The following SOX12 variants were observed in gnomAD, a reference collection of about 807,000 sequenced individuals.
SOX12 encodes the protein SRY-box transcription factor 12.
Under a neutral mutation model 21.5 loss-of-function variants are expected in SOX12, and 8 were observed. The ratio of observed to expected loss-of-function variants is 0.37; its 90% confidence interval spans 0.22 to 0.67. SOX12 has a LOEUF of 0.67. Ranked by LOEUF, SOX12 falls within the 30% of genes least tolerant of loss-of-function variation. The pLI is 0.56. For missense variants in SOX12, 400 were observed against 482.6 expected (o/e 0.83, Z 1.60); for synonymous variants, 235 against 224.2 (o/e 1.05, Z -0.43).
chr20:325,988 C>T lies in SOX12; in HGVS notation c.64C>T (p.Pro22Ser). The T allele has an allele frequency of 6.8e-7, 1 of 1,462,104 alleles. No homozygotes were observed. The highest frequency in any genetic ancestry group is 9.1e-7 in the Non-Finnish European group (1 of 1,101,796). The allele number at this position is 1,462,104 out of a possible 1,614,324, so 90.6% of individuals were successfully genotyped here. Reference protein sequence around the residue: ...DGGPPPPGPGPAEEGAREPGW... With the variant: ...DGGPPPPGPGSAEEGAREPGW... ...CGGGCCGCCGCCCCCGGGACCCGGG[C>T]CGGCCGAGGAGGGGGCGCGCGAGCC... is the stretch of plus-strand genomic sequence containing the variant. The change falls in exon 1 of 1, where the codon CCG (proline) becomes TCG (serine). Residue 22 changes from proline (P) to serine (S), a missense_variant. Pro to Ser is a moderately conservative substitution (Grantham distance 74). Around this residue, in one of 4 missense-constraint regions of SOX12, gnomAD observed 56 missense variants for 51.5 expected, o/e 1.09. Transcript: ENST00000342665. The surrounding 1 kb of genome is among the most constrained non-coding windows in gnomAD (Gnocchi z 5.0).
chr20:328,592 G>T lies in SOX12; in HGVS notation c.*1720G>T. 1 of 162,018 alleles carries T rather than the reference G, an allele frequency of 6.2e-6. No homozygotes were observed. The allele number at this position is 162,018 out of a possible 1,614,324, so 10.0% of individuals were successfully genotyped here. ...ATGAAAAAAAAAACGTCATGTGAGT[G>T]AAGAGATGTCACTGTCTGTGGTCTT... On this transcript the variant is annotated 3_prime_UTR_variant, in exon 1 of 1. Coordinates refer to ENST00000342665, the MANE Select transcript of SOX12 (RefSeq NM_006943.4).
Position 326,461 on chromosome 20 carries a change from C to T in SOX12, c.537C>T (p.Val179=), listed in dbSNP as rs1293308091. ...AGGAGCTGCTGGAAGTGCGCCTGGT[C>T]GAGACCCCGGGGCGGGAGCTGTGGA... The part of the protein sequence containing the change: ...DDEELLEVRL[V]ETPGRELWRM... Residue 179 remains valine (V), a synonymous_variant, in exon 1 of 1, where the codon GTC becomes GTT. Transcript: ENST00000342665. This position sits in a 1 kb window ranked among gnomAD's most constrained non-coding sequence, Gnocchi z 9.9. 3 of 1,388,814 alleles carry T rather than the reference C, an allele frequency of 2.2e-6. No homozygotes were observed. Among genetic ancestry groups the T allele is most frequent in the African/African-American group, 1.5e-5 (1 of 65,186 alleles). The allele number at this position is 1,388,814 out of a possible 1,614,324, so 86.0% of individuals were successfully genotyped here. A position where few individuals can be genotyped will look rare whatever the true frequency, so the allele number is the denominator to read the frequency against.
Position 326,548 on chromosome 20 carries a change from C to T in SOX12, c.624C>T (p.Gly208=). 6 of 1,510,656 alleles carry T rather than the reference C, an allele frequency of 4.0e-6. No homozygotes were observed. Among genetic ancestry groups the T allele is most frequent in the South Asian group, 1.3e-5 (1 of 79,990 alleles). The allele number at this position is 1,510,656 out of a possible 1,614,324, so 93.6% of individuals were successfully genotyped here. A position where few individuals can be genotyped will look rare whatever the true frequency, so the allele number is the denominator to read the frequency against. The change falls in exon 1 of 1, where the codon GGC becomes GGT. Residue 208 remains glycine, a synonymous_variant. Coordinates refer to ENST00000342665, the MANE Select transcript of SOX12 (RefSeq NM_006943.4). This position sits in a 1 kb window ranked among gnomAD's most constrained non-coding sequence, Gnocchi z 9.9. ...CGGAGCGCGCCCAAGGGCCGTCGGGCGAGGGGGCGGCCGCCGCCGCCGCCG... is the reference window on the plus strand; with the variant it reads ...CGGAGCGCGCCCAAGGGCCGTCGGGTGAGGGGGCGGCCGCCGCCGCCGCCG... ...GQAERAQGPS[G]EGAAAAAAAS... is the part of the protein sequence containing the mutation.
chr20:326,392 G>T lies in SOX12; in HGVS notation c.468G>T (p.Gly156=). The part of the protein sequence containing the change: ...GGRRAAGGPL[G]GGAAAPEDDD... ...GCCGAGCAGCGGGAGGGCCTTTGGG[G>T]GGCGGGGCGGCGGCGCCCGAGGACG... is the stretch of plus-strand genomic sequence containing the variant. Residue 156 remains glycine, a synonymous_variant, in exon 1 of 1, where the codon GGG becomes GGT. Coordinates refer to ENST00000342665, the MANE Select transcript of SOX12 (RefSeq NM_006943.4). This position sits in a 1 kb window ranked among gnomAD's most constrained non-coding sequence, Gnocchi z 9.9. 1 of 1,335,582 alleles carries T rather than the reference G, an allele frequency of 7.5e-7. No homozygotes were observed. Among genetic ancestry groups the T allele is most frequent in the Non-Finnish European group, 9.5e-7 (1 of 1,048,106 alleles). The allele number at this position is 1,335,582 out of a possible 1,614,324, so 82.7% of individuals were successfully genotyped here.
In SOX12 at chr20:326,458, G is replaced by A; in HGVS notation, c.534G>A (p.Leu178=). ...DDDEELLEVR[L]VETPGRELWR... ...ACGAGGAGCTGCTGGAAGTGCGCCT[G>A]GTCGAGACCCCGGGGCGGGAGCTGT... Residue 178 remains leucine, a synonymous_variant, in exon 1 of 1, where the codon CTG becomes CTA. Transcript: ENST00000342665. This position sits in a 1 kb window ranked among gnomAD's most constrained non-coding sequence, Gnocchi z 9.9. 3.6e-6 allele frequency: 5 copies of A among 1,387,302 alleles called. No homozygotes were observed. The South Asian group carries it at 4.9e-5, about 14-fold the overall frequency. 85.9% of individuals were successfully genotyped at this position (1,387,302 alleles called of 1,614,324 possible). A position where few individuals can be genotyped will look rare whatever the true frequency, so the allele number is the denominator to read the frequency against.
In SOX12 at chr20:328,439, C is replaced by A. The variant is rs1223751204; in HGVS notation, c.*1567C>A. Reference sequence around the variant, plus strand: ...AGGGTCTCTGCAGGTCTCTGCCCCACGCGTTCCCGTCGCTGACAAAGCCAC... The same window carrying A: ...AGGGTCTCTGCAGGTCTCTGCCCCAAGCGTTCCCGTCGCTGACAAAGCCAC... On this transcript the variant is annotated 3_prime_UTR_variant, in exon 1 of 1. Transcript: ENST00000342665. 6.0e-6 allele frequency: 1 copy of A among 167,014 alleles called. No homozygotes were observed. Among genetic ancestry groups the A allele is most frequent in the South Asian group, 2.1e-4 (1 of 4,832 alleles). 10.3% of individuals were successfully genotyped at this position (167,014 alleles called of 1,614,324 possible).
At position 327,099 on chromosome 20, in the gene SOX12, T is replaced by G; in HGVS notation, c.*227T>G. 3.9e-6 allele frequency: 2 copies of G among 515,404 alleles called. No homozygotes were observed. Among genetic ancestry groups the G allele is most frequent in the Non-Finnish European group, 3.5e-6 (1 of 285,030 alleles). 31.9% of individuals were successfully genotyped at this position (515,404 alleles called of 1,614,324 possible). On this transcript the variant is annotated 3_prime_UTR_variant, in exon 1 of 1. Transcript: ENST00000342665. ...CCCGACACCCAAGCCCCTCCCCACG[T>G]CGCCCCCTCCTGCACAGCCACCAGC...
In SOX12 at chr20:325,980, G is replaced by T; in HGVS notation, c.56G>T (p.Gly19Val). The change falls in exon 1 of 1, where the codon GGA becomes GTA. Residue 19 changes from glycine to valine, a missense_variant. Transcript: ENST00000342665. The surrounding 1 kb of genome is among the most constrained non-coding windows in gnomAD (Gnocchi z 5.0). ...AKRDGGPPPP[G>V]PGPAEEGARE... ...CGGGACGGCGGGCCGCCGCCCCCGGGACCCGGGCCGGCCGAGGAGGGGGCG... is the reference window on the plus strand; with the variant it reads ...CGGGACGGCGGGCCGCCGCCCCCGGTACCCGGGCCGGCCGAGGAGGGGGCG... 6.9e-7 allele frequency: 1 copy of T among 1,449,532 alleles called. No individual in the cohort carries two copies. Among genetic ancestry groups the T allele is most frequent in the Non-Finnish European group, 9.1e-7 (1 of 1,095,374 alleles). 89.8% of individuals were successfully genotyped at this position (1,449,532 alleles called of 1,614,324 possible).
At position 328,731 on chromosome 20, in the gene SOX12, C is replaced by T. The variant is rs1195200646; in HGVS notation, c.*1859C>T. The T allele has an allele frequency of 6.0e-6, 1 of 167,162 alleles. No homozygotes were observed. The highest frequency in any genetic ancestry group is 2.4e-5 in the African/African-American group (1 of 41,434). 10.4% of individuals were successfully genotyped at this position (167,162 alleles called of 1,614,324 possible). On this transcript the variant is annotated 3_prime_UTR_variant, in exon 1 of 1. Transcript: ENST00000342665. Reference sequence around the variant, plus strand: ...CTGAATAAAGTGTATTTGCCCCGACCTTGCCCTGTGGTTCTGCATGTCTGT... The same window carrying T: ...CTGAATAAAGTGTATTTGCCCCGACTTTGCCCTGTGGTTCTGCATGTCTGT...
At position 326,097 on chromosome 20, in the gene SOX12, T is replaced by A; in HGVS notation, c.173T>A (p.Ile58Asn). 6.2e-7 allele frequency: 1 copy of A among 1,602,216 alleles called. No individual in the cohort carries two copies. The highest frequency in any genetic ancestry group is 1.1e-5 in the South Asian group (1 of 89,456). ...TGGTCGCAGCACGAACGGCGGAAGA[T>A]CATGGACCAGTGGCCCGACATGCAC... is the stretch of plus-strand genomic sequence containing the variant. ...MVWSQHERRK[I>N]MDQWPDMHNA... The change falls in exon 1 of 1, where the codon ATC (isoleucine) becomes AAC (asparagine). Residue 58 changes from isoleucine (I) to asparagine (N), a missense_variant. Ile to Asn is a moderately radical substitution (Grantham distance 149). This residue lies in a region of SOX12 where 92 missense variants were observed against 162.0 expected (regional missense o/e 0.57). Coordinates refer to ENST00000342665, the MANE Select transcript of SOX12 (RefSeq NM_006943.4). The surrounding 1 kb of genome is among the most constrained non-coding windows in gnomAD (Gnocchi z 9.9).
In SOX12 at chr20:328,783, T is replaced by A. The variant is rs979609288; in HGVS notation, c.*1911T>A. On this transcript the variant is annotated 3_prime_UTR_variant, in exon 1 of 1. Coordinates refer to ENST00000342665, the MANE Select transcript of SOX12 (RefSeq NM_006943.4). ...CTCTTCCTCAACCCTCCCTAAACAGTTTGCCAGATTCAAGTCCGTGTGATT... is the reference window on the plus strand; with the variant it reads ...CTCTTCCTCAACCCTCCCTAAACAGATTGCCAGATTCAAGTCCGTGTGATT... 1.2e-5 allele frequency: 2 copies of A among 167,266 alleles called. No homozygotes were observed. Among genetic ancestry groups the A allele is most frequent in the Non-Finnish European group, 2.9e-5 (2 of 68,276 alleles). 10.4% of individuals were successfully genotyped at this position (167,266 alleles called of 1,614,324 possible).
chr20:326,564 G>A lies in SOX12; in HGVS notation c.640G>A (p.Ala214Thr), dbSNP rs906397602. The part of the protein sequence containing the change: ...QGPSGEGAAA[A>T]AAASPTPSED... ...GCCGTCGGGCGAGGGGGCGGCCGCC[G>A]CCGCCGCCGCCTCCCCGACACCGTC... is the stretch of plus-strand genomic sequence containing the variant. The change falls in exon 1 of 1, where the codon GCC (alanine) becomes ACC (threonine). Residue 214 changes from alanine to threonine, a missense_variant. Physicochemically the swap from Ala to Thr is moderately conservative, Grantham distance 58. Around this residue, in one of 4 missense-constraint regions of SOX12, gnomAD observed 235 missense variants for 219.3 expected, o/e 1.07. Transcript: ENST00000342665. The surrounding 1 kb of genome is among the most constrained non-coding windows in gnomAD (Gnocchi z 9.9). The A allele has an allele frequency of 1.9e-5, 29 of 1,519,058 alleles. No individual in the cohort carries two copies. The highest frequency in any genetic ancestry group is 2.3e-5 in the Non-Finnish European group (26 of 1,138,914). The allele number at this position is 1,519,058 out of a possible 1,614,324, so 94.1% of individuals were successfully genotyped here. A position where few individuals can be genotyped will look rare whatever the true frequency, so the allele number is the denominator to read the frequency against.
Position 328,775 on chromosome 20 carries a change from C to G in SOX12, c.*1903C>G, listed in dbSNP as rs560893412. ...TGTCTGTGCTCTTCCTCAACCCTCCCTAAACAGTTTGCCAGATTCAAGTCC... is the reference window on the plus strand; with the variant it reads ...TGTCTGTGCTCTTCCTCAACCCTCCGTAAACAGTTTGCCAGATTCAAGTCC... On this transcript the variant is annotated 3_prime_UTR_variant, in exon 1 of 1. Coordinates refer to ENST00000342665, the MANE Select transcript of SOX12 (RefSeq NM_006943.4). 6.0e-6 allele frequency: 1 copy of G among 167,428 alleles called. No homozygotes were observed. The highest frequency in any genetic ancestry group is 6.5e-5 in the Admixed American group (1 of 15,312). 10.4% of individuals were successfully genotyped at this position (167,428 alleles called of 1,614,324 possible).
Position 328,520 on chromosome 20 carries a change from T to TTCTA in SOX12, c.*1649_*1650insCTAT, listed in dbSNP as rs2013142833. 3.8e-4 allele frequency: 50 copies of TTCTA among 132,128 alleles called. No individual in the cohort carries two copies. The highest frequency in any genetic ancestry group is 1.1e-3 in the African/African-American group (33 of 29,214). The allele number at this position is 132,128 out of a possible 1,614,324, so 8.2% of individuals were successfully genotyped here. On this transcript the variant is annotated 3_prime_UTR_variant, in exon 1 of 1. Coordinates refer to ENST00000342665, the MANE Select transcript of SOX12 (RefSeq NM_006943.4). ...CTCTGGGCCTTTCTTGCGCTCTATTTTTTTTTTTTTTTTTTTTAAGAAAAA... is the reference window on the plus strand; with the variant it reads ...CTCTGGGCCTTTCTTGCGCTCTATTTTCTATTTTTTTTTTTTTTTTTAAGAAAAA...
rs557418764 is a variant in SOX12 at position 326,531 on chromosome 20, G to A, written c.607G>A (p.Ala203Thr). ...GRAARGQAERAQGPSGEGAAA... is the reference protein window; with the variant it reads ...GRAARGQAERTQGPSGEGAAA... ...GGCCGCTCGGGGACAAGCGGAGCGC[G>A]CCCAAGGGCCGTCGGGCGAGGGGGC... Residue 203 changes from alanine (A) to threonine (T), a missense_variant, in exon 1 of 1, where the codon GCC (alanine) becomes ACC (threonine). Around this residue, in one of 4 missense-constraint regions of SOX12, gnomAD observed 235 missense variants for 219.3 expected, o/e 1.07. Coordinates refer to ENST00000342665, the MANE Select transcript of SOX12 (RefSeq NM_006943.4). The surrounding 1 kb of genome is among the most constrained non-coding windows in gnomAD (Gnocchi z 9.9). The A allele has an allele frequency of 6.8e-6, 10 of 1,474,976 alleles. No homozygotes were observed. The African/African-American group carries it at 1.2e-4, about 17-fold the overall frequency. The allele number at this position is 1,474,976 out of a possible 1,614,324, so 91.4% of individuals were successfully genotyped here. A position where few individuals can be genotyped will look rare whatever the true frequency, so the allele number is the denominator to read the frequency against.
At position 328,861 on chromosome 20, in the gene SOX12, A is replaced by C. The variant is rs929131630; in HGVS notation, c.*1989A>C. On this transcript the variant is annotated 3_prime_UTR_variant, in exon 1 of 1. Transcript: ENST00000342665. ...AGCCACCTTGCCTGTCTAGGCCTCT[A>C]TGTCAGGACTCCCTGGCCTTCATGA... The C allele has an allele frequency of 1.2e-5, 2 of 167,094 alleles. No homozygotes were observed. Among genetic ancestry groups the C allele is most frequent in the African/African-American group, 4.8e-5 (2 of 41,438 alleles). 10.4% of individuals were successfully genotyped at this position (167,094 alleles called of 1,614,324 possible).
In SOX12 at chr20:328,845, G is replaced by C. The variant is rs918558352; in HGVS notation, c.*1973G>C. 2 of 167,156 alleles carry C rather than the reference G, an allele frequency of 1.2e-5. No individual in the cohort carries two copies. The highest frequency in any genetic ancestry group is 1.3e-4 in the Admixed American group (2 of 15,288). 10.4% of individuals were successfully genotyped at this position (167,156 alleles called of 1,614,324 possible). A position where few individuals can be genotyped will look rare whatever the true frequency, so the allele number is the denominator to read the frequency against. ...TGGGTGTCCCAGGGCAAGCCACCTT[G>C]CCTGTCTAGGCCTCTATGTCAGGAC... is the stretch of plus-strand genomic sequence containing the variant. On this transcript the variant is annotated 3_prime_UTR_variant, in exon 1 of 1. Coordinates refer to ENST00000342665, the MANE Select transcript of SOX12 (RefSeq NM_006943.4).
chr20:326,602 G>T lies in SOX12; in HGVS notation c.678G>T (p.Glu226Asp). 1 of 1,537,676 alleles carries T rather than the reference G, an allele frequency of 6.5e-7. No individual in the cohort carries two copies. The highest frequency in any genetic ancestry group is 8.7e-7 in the Non-Finnish European group (1 of 1,143,236). The part of the protein sequence containing the change: ...AASPTPSEDE[E>D]PEEEEEEAAA... ...CCCCGACACCGTCGGAGGACGAGGA[G>T]CCGGAGGAAGAGGAGGAGGAGGCGG... Residue 226 changes from glutamate to aspartate, a missense_variant, in exon 1 of 1, where the codon GAG (glutamate) becomes GAT (aspartate). This residue lies in a region of SOX12 where 235 missense variants were observed against 219.3 expected (regional missense o/e 1.07). Coordinates refer to ENST00000342665, the MANE Select transcript of SOX12 (RefSeq NM_006943.4). This position sits in a 1 kb window ranked among gnomAD's most constrained non-coding sequence, Gnocchi z 9.9.
In SOX12 at chr20:326,407, G is replaced by A. The variant is rs1274705023; in HGVS notation, c.483G>A (p.Ala161=). ...GGCCTTTGGGGGGCGGGGCGGCGGC[G>A]CCCGAGGACGACGATGAAGACGACG... ...AGGPLGGGAA[A]PEDDDEDDDE... Residue 161 remains alanine, a synonymous_variant, in exon 1 of 1, where the codon GCG becomes GCA. Coordinates refer to ENST00000342665, the MANE Select transcript of SOX12 (RefSeq NM_006943.4). The surrounding 1 kb of genome is among the most constrained non-coding windows in gnomAD (Gnocchi z 9.9). The A allele has an allele frequency of 2.2e-6, 3 of 1,339,418 alleles. No individual in the cohort carries two copies. The highest frequency in any genetic ancestry group is 4.1e-5 in the Admixed American group (1 of 24,374). The allele number at this position is 1,339,418 out of a possible 1,614,324, so 83.0% of individuals were successfully genotyped here.
Sources: allele counts gnomAD v4.1 joint callset, GRCh38; gene constraint gnomAD v4.1.1; regional missense constraint gnomAD v4.1.1; non-coding constraint Gnocchi (gnomAD v3.1); transcripts MANE v1.5; gene names NCBI Gene and HGNC (gene_info 2026-07-23, HGNC 2026-07-21).